SSBP2: variants seen among roughly 807,000 people sequenced by gnomAD.
SSBP2 encodes single stranded DNA binding protein 2.
In SSBP2, 17 loss-of-function variants were observed where a neutral mutation model predicts 61.8. The observed-to-expected ratio is 0.28, with a 90% CI of 0.19 to 0.41. The LOEUF is 0.41. SSBP2 is among the 10% of genes least tolerant of loss of function. The probability of loss-of-function intolerance (pLI) is 1.00; values close to 1 mark genes in which losing one functional copy is unlikely to be tolerated. For synonymous variants in SSBP2, 139 were observed against 141.3 expected, an observed-to-expected ratio of 0.98 and a Z score of 0.12; for missense variants, 310 against 458.7, an observed-to-expected ratio of 0.68 and a Z score of 2.96.
At chr5:81,661,020 CA>C (rs1431498398) in intron 1 of SSBP2, among the ~76,000 whole-genome samples, 2 of 150,114 alleles carry the variant, frequency 1.3e-5, no homozygotes, top group Non-Finnish European at 3.0e-5. Context: ...GGTGGGGGGT[CA>C]GGGGAGGGAG....
intron 15 of SSBP2, among the ~76,000 whole-genome samples, chr5:81,432,987 G>GA (rs1350663847): frequency 6.7e-6 from 1 of 150,120 alleles, no homozygotes; most frequent in Non-Finnish European, 1.5e-5. Flanking sequence ...GGAGGTGGGG[G>GA]GGGTCAGACT....
At chr5:81,476,688 A>G (rs1765615178) in intron 6 of SSBP2, among the ~76,000 whole-genome samples, 1 of 152,198 alleles carries the variant, frequency 6.6e-6, no homozygotes, top group South Asian at 2.1e-4. Context: ...CTTTTAGTAT[A>G]AGAGCTATTC....
intron 1 of SSBP2, among the ~76,000 whole-genome samples, chr5:81,652,367 G>A (rs1479699301): frequency 1.3e-5 from 2 of 152,094 alleles, no homozygotes. Flanking sequence ...GTAAAATTAA[G>A]TGACAGTCCT....
intron 4 of SSBP2, among the ~76,000 whole-genome samples, chr5:81,523,710 C>A (rs1769682073): frequency 6.6e-6 from 1 of 151,980 alleles, no homozygotes. Flanking sequence ...TTTACTAGAG[C>A]AATAAATCAG....
At chr5:81,649,747 C>T (rs1400631176) in intron 2 of SSBP2, among the ~76,000 whole-genome samples, 2 of 150,872 alleles carry the variant, frequency 1.3e-5, no homozygotes, top group African/African-American at 4.9e-5. Flanking sequence ...AACAAACCTG[C>T]ACAAGTACCT....
At chr5:81,611,917 T>C (rs1447403578) in intron 4 of SSBP2, among the ~76,000 whole-genome samples, 1 of 152,124 alleles carries the variant, frequency 6.6e-6, no homozygotes, top group African/African-American at 2.4e-5. Flanking sequence ...TGGAGATCCA[T>C]TGTACAACAT....
At chr5:81,722,109 T>C (rs371522666) in intron 1 of SSBP2, among the ~76,000 whole-genome samples, 2 of 152,108 alleles carry the variant, frequency 1.3e-5, no homozygotes, top group Non-Finnish European at 2.9e-5. Context: ...TATTATTCAT[T>C]TGAATTTTCT....
At chr5:81,478,048 G>A (rs1765710027) in intron 6 of SSBP2, among the ~76,000 whole-genome samples, 1 of 152,160 alleles carries the variant, frequency 6.6e-6, no homozygotes, top group Non-Finnish European at 1.5e-5. Context: ...GGAAAAAGTA[G>A]CCAACACTGT....
chr5:81,681,472 A>T (rs536598550), intron 1 of SSBP2, among the ~76,000 whole-genome samples: 19 of 151,012 alleles, frequency 1.3e-4, no homozygotes, highest in Admixed American at 4.6e-4. Flanking sequence ...GTGAGCCAAG[A>T]TCGTACCACT....
At chr5:81,692,099 T>C (rs1242681310) in intron 1 of SSBP2, among the ~76,000 whole-genome samples, 1 of 152,168 alleles carries the variant, frequency 6.6e-6, no homozygotes, top group Non-Finnish European at 1.5e-5. Context: ...TTATCTTATA[T>C]TTGGTAAAAC....
intron 1 of SSBP2, among the ~76,000 whole-genome samples, chr5:81,690,535 A>G (rs1364546864): frequency 1.3e-5 from 2 of 152,178 alleles, no homozygotes; most frequent in African/African-American, 4.8e-5. Flanking sequence ...GAATATAACA[A>G]TTGTAAATAC....
intron 11 of SSBP2, 124 bp downstream of exon 11, chr5:81,448,666 A>G (rs1375250152): frequency 1.2e-5 from 11 of 910,940 alleles, no homozygotes; most frequent in Non-Finnish European, 1.9e-5. Flanking sequence ...CAGATGAAAC[A>G]ACTCAAGATG....
rs1446010673 is a variant in SSBP2 at position 81,415,759 on chromosome 5, A to C, written c.*4745T>G. ...AACCCGGTCTCTACTAAAAATACAA[A>C]AAATTAGCTGGGCATGGTGGTGAGC... is the stretch of plus-strand genomic sequence containing the variant. On this transcript the variant is annotated 3_prime_UTR_variant, in exon 17 of 17. Transcript: ENST00000320672. The C allele has an allele frequency of 1.3e-5, 2 of 151,708 alleles. No individual in the cohort carries two copies. The highest frequency in any genetic ancestry group is 2.9e-5 in the Non-Finnish European group (2 of 68,096). The allele number at this position is 151,708 out of a possible 1,614,324, so 9.4% of individuals were successfully genotyped here.
intron 5 of SSBP2, among the ~76,000 whole-genome samples, chr5:81,510,483 C>G (rs1057252926): frequency 4.6e-5 from 7 of 152,194 alleles, no homozygotes; most frequent in African/African-American, 1.7e-4. Flanking sequence ...TTGGAGTAGG[C>G]TGGGCACAGT....
At chr5:81,700,918 A>C (rs574246669) in intron 1 of SSBP2, among the ~76,000 whole-genome samples, 7 of 152,290 alleles carry the variant, frequency 4.6e-5, no homozygotes, top group African/African-American at 1.7e-4. Flanking sequence ...AACCACTCAA[A>C]CTTTCTCCGT....
chr5:81,735,854 T>C (rs1324090731), intron 1 of SSBP2, among the ~76,000 whole-genome samples: 1 of 152,212 alleles, frequency 6.6e-6, no homozygotes, highest in Admixed American at 6.5e-5. Flanking sequence ...TTTCTATATG[T>C]GCATTTGCTC....
chr5:81,611,061 A>G (rs1745393802), intron 4 of SSBP2, among the ~76,000 whole-genome samples: 2 of 152,250 alleles, frequency 1.3e-5, no homozygotes, highest in South Asian at 4.1e-4. Flanking sequence ...AGAGTGTCAC[A>G]TCATTATAGC....
At chr5:81,546,073 C>T (rs2973341) in intron 4 of SSBP2, among the ~76,000 whole-genome samples, 104,845 of 151,886 alleles carry the variant, frequency 0.69, 38,217 homozygotes, top group African/African-American at 0.92. Context: ...ACAAGCCTGG[C>T]TGATCAAGAA....
intron 1 of SSBP2, among the ~76,000 whole-genome samples, chr5:81,707,189 T>C (rs188354025): frequency 9.2e-4 from 140 of 152,122 alleles, no homozygotes; most frequent in Non-Finnish European, 1.3e-3. Context: ...AAAGTCAACA[T>C]CTCCAGTAAG....
Sources: gnomAD v4.1 joint callset for allele counts (sites outside exome capture counted in the v4.1 genomes callset) on GRCh38, gnomAD v4.1.1 for gene constraint, MANE v1.5 for transcripts, NCBI Gene and HGNC (gene_info 2026-07-23, HGNC 2026-07-21) for gene names.